The following GALNT14 variants were observed in gnomAD, a reference collection of about 807,000 sequenced individuals.
GALNT14 encodes UDP-GalNAc:polypeptide N-acetylgalactosaminyltransferase 14.
Under a neutral mutation model 77.5 loss-of-function variants are expected in GALNT14, and 60 were observed. The ratio of observed to expected loss-of-function variants is 0.77; its 90% CI spans 0.63 to 0.96. The LOEUF (loss-of-function observed/expected upper bound fraction) is 0.96. GALNT14 is among the 40% of genes least tolerant of loss of function. The pLI, the probability that GALNT14 is intolerant of heterozygous loss-of-function variation, is 0.00. For synonymous variants in GALNT14, 280 were observed against 281.7 expected (o/e 0.99, Z 0.06); for missense variants, 710 against 731.0 (o/e 0.97, Z 0.33).
chr2:31,108,717 G>A (rs1677687744), intron 1 of GALNT14, among the ~76,000 whole-genome samples: 1 of 152,230 alleles, frequency 6.6e-6, no homozygotes, highest in South Asian at 2.1e-4. Flanking sequence ...CTTGGGGAAT[G>A]AGGACTATAT....
At chr2:30,923,364 G>A (rs879899393) in intron 13 of GALNT14, among the ~76,000 whole-genome samples, 24 of 152,070 alleles carry the variant, frequency 1.6e-4, no homozygotes, top group Admixed American at 1.0e-3. Flanking sequence ...GTACTTTAAC[G>A]CAGTCAGCAG....
chr2:30,901,745 C>A, the GALNT14 span, among the ~76,000 whole-genome samples: 1 of 151,544 alleles, frequency 6.6e-6, no homozygotes, highest in Non-Finnish European at 1.5e-5. Context: ...CACATCACAC[C>A]AATAAAACAC....
At chr2:30,994,800 G>T (rs1188606066) in intron 1 of GALNT14, among the ~76,000 whole-genome samples, 1 of 152,152 alleles carries the variant, frequency 6.6e-6, no homozygotes, top group Non-Finnish European at 1.5e-5. Context: ...CCCTTATGGT[G>T]CTCCGAGCTA....
chr2:31,101,437 G>A (rs1018069510), intron 1 of GALNT14, among the ~76,000 whole-genome samples: 6 of 151,376 alleles, frequency 4.0e-5, no homozygotes, highest in African/African-American at 1.5e-4. Context: ...AGAGTTCTAT[G>A]CTCTGGACTA....
At chr2:31,087,916 A>G (rs1041146148) in intron 1 of GALNT14, among the ~76,000 whole-genome samples, 2 of 152,200 alleles carry the variant, frequency 1.3e-5, no homozygotes, top group Non-Finnish European at 2.9e-5. Flanking sequence ...CTGTATAAAA[A>G]GAGACTCCAG....
intron 2 of GALNT14, among the ~76,000 whole-genome samples, chr2:30,989,669 AGT>A (rs1669562848): frequency 8.3e-6 from 1 of 120,530 alleles, no homozygotes; most frequent in Non-Finnish European, 1.8e-5. Flanking sequence ...TATATATATT[AGT>A]ATATATAAAA....
In GALNT14 at chr2:30,992,962, G is replaced by T; in HGVS notation, c.175C>A (p.Arg59=). The T allele has an allele frequency of 6.2e-7, 1 of 1,614,132 alleles. No homozygotes were observed. The part of the protein sequence containing the change: ...WDDLWDQFDE[R]RYLNAKKWRV... ...CACTTTTTGGCATTCAGATACCGCCGCTCATCAAACTGGTCCCACAGGTCG... is the reference window on the plus strand; with the variant it reads ...CACTTTTTGGCATTCAGATACCGCCTCTCATCAAACTGGTCCCACAGGTCG... The change falls in exon 2 of 15, where the codon CGG becomes AGG. Residue 59 remains arginine (R), a synonymous_variant. Coordinates refer to ENST00000349752, the MANE Select transcript of GALNT14 (RefSeq NM_024572.4).
intron 9 of GALNT14, 150 bp downstream of exon 9, chr2:30,942,051 A>G: frequency 1.8e-6 from 1 of 557,924 alleles, no homozygotes; most frequent in Non-Finnish European, 3.2e-6. Flanking sequence ...CTTTCCCCCA[A>G]AAGAGTAACT....
chr2:31,137,589 T>A (rs778363492), intron 1 of GALNT14, among the ~76,000 whole-genome samples: 2 of 151,868 alleles, frequency 1.3e-5, no homozygotes, highest in South Asian at 4.2e-4. Context: ...GCCCGGGCGC[T>A]GGCCCGACCC....
At chr2:30,995,906 G>A (rs1300124610) in intron 1 of GALNT14, among the ~76,000 whole-genome samples, 1 of 152,218 alleles carries the variant, frequency 6.6e-6, no homozygotes, top group Middle Eastern at 3.2e-3. Flanking sequence ...CAAGTCCCAG[G>A]ATCTGTGGTG....
At position 31,043,873 on chromosome 2, in the gene GALNT14, T is replaced by C. The variant is rs572464788; in HGVS notation, c.130-50866A>G. 9.9e-5 allele frequency among the ~76,000 whole-genome samples: 15 copies of C among 152,222 alleles called. No individual in the cohort carries two copies. In the South Asian group the frequency reaches 3.1e-3, roughly 32 times the overall value. ...ATACAAGGTACAGTGGAACCATAGA[T>C]ACAACAGTGATGAAATCAGTGGTGG... On this transcript the variant is annotated intron_variant, in intron 1 of 14. Coordinates refer to ENST00000349752, the MANE Select transcript of GALNT14 (RefSeq NM_024572.4).
chr2:30,923,780 G>A, intron 13 of GALNT14, among the ~76,000 whole-genome samples: 1 of 152,232 alleles, frequency 6.6e-6, no homozygotes, highest in Non-Finnish European at 1.5e-5. Context: ...CGAGCTAGCT[G>A]TGCCATTGGC....
chr2:30,939,609 T>G (rs988074862), intron 9 of GALNT14, among the ~76,000 whole-genome samples: 9 of 151,988 alleles, frequency 5.9e-5, no homozygotes, highest in African/African-American at 2.2e-4. Context: ...AAACAAGCAC[T>G]TTGGCAGGGG....
chr2:30,935,310 C>A (rs1665987018), intron 9 of GALNT14, among the ~76,000 whole-genome samples: 1 of 152,182 alleles, frequency 6.6e-6, no homozygotes, highest in African/African-American at 2.4e-5. Context: ...TTCCACCAGC[C>A]AGTAGAGCTG....
intron 1 of GALNT14, among the ~76,000 whole-genome samples, chr2:31,029,398 T>C (rs907748253): frequency 3.9e-5 from 6 of 152,102 alleles, no homozygotes; most frequent in Admixed American, 3.9e-4. Flanking sequence ...TTCACACACC[T>C]CATCATCTCC....
intron 1 of GALNT14, among the ~76,000 whole-genome samples, chr2:31,070,686 T>G (rs1041105260): frequency 1.3e-5 from 2 of 152,242 alleles, no homozygotes. Flanking sequence ...AAAGTCTGAA[T>G]TTTTCTTCAG....
chr2:30,921,001 T>C (rs1470034183), intron 13 of GALNT14, among the ~76,000 whole-genome samples: 2 of 152,212 alleles, frequency 1.3e-5, no homozygotes, highest in Non-Finnish European at 2.9e-5. Flanking sequence ...CCAGAGAAGA[T>C]GCTTTACTCA....
At chr2:31,069,294 T>C (rs893703509) in intron 1 of GALNT14, among the ~76,000 whole-genome samples, 1 of 152,192 alleles carries the variant, frequency 6.6e-6, no homozygotes, top group Non-Finnish European at 1.5e-5. Flanking sequence ...ACAAGGCCAC[T>C]TAAGGAAGGT....
chr2:30,916,998 G>A (rs1472495023), intron 13 of GALNT14, among the ~76,000 whole-genome samples: 1 of 147,886 alleles, frequency 6.8e-6, no homozygotes, highest in African/African-American at 2.5e-5. Context: ...AATTGCTGGA[G>A]CCTGGGAGAC....
Sources: allele counts gnomAD v4.1 joint callset (sites outside exome capture counted in the v4.1 genomes callset), GRCh38; gene constraint gnomAD v4.1.1; transcripts MANE v1.5; gene names NCBI Gene and HGNC (gene_info 2026-07-23, HGNC 2026-07-21).